MAF: variants seen among roughly 807,000 people sequenced by gnomAD.
MAF encodes transcription factor Maf.
In MAF, 10 loss-of-function variants were observed where a neutral mutation model predicts 22.0. That is an observed-to-expected ratio of 0.45 (90% confidence interval 0.28 to 0.77). The LOEUF (loss-of-function observed/expected upper bound fraction) is 0.77, where lower values mean the gene tolerates loss of function less well. MAF is among the 30% of genes least tolerant of loss of function. The pLI, the probability that MAF is intolerant of heterozygous loss-of-function variation, is 0.12. For missense variants in MAF, 544 were observed against 548.4 expected (o/e 0.99, Z 0.08); for synonymous variants, 337 against 255.8 (o/e 1.32, Z -3.03).
At chr16:79,538,453 T>C in the MAF span, among the ~76,000 whole-genome samples, 1 of 152,100 alleles carries the variant, frequency 6.6e-6, no homozygotes, top group Non-Finnish European at 1.5e-5. Flanking sequence ...ACCATAAAAA[T>C]GAAGAAAGTA....
chr16:79,515,814 C>T, the MAF span, among the ~76,000 whole-genome samples: 1 of 152,184 alleles, frequency 6.6e-6, no homozygotes, highest in African/African-American at 2.4e-5. Context: ...GATGGAATCA[C>T]TACATTCTAT....
chr16:79,351,719 C>A, the MAF span, among the ~76,000 whole-genome samples: 72 of 152,088 alleles, frequency 4.7e-4, no homozygotes, highest in African/African-American at 1.5e-3. Flanking sequence ...GCCCATTGCC[C>A]ACCCCACTGA....
chr16:79,242,366 C>CAAAAA, the MAF span, among the ~76,000 whole-genome samples: 336 of 97,074 alleles, frequency 3.5e-3, 4 homozygotes, highest in Admixed American at 0.027. Context: ...AAATGGGAAG[C>CAAAAA]AAAAAAAAAA....
At chr16:79,390,152 C>T in the MAF span, among the ~76,000 whole-genome samples, 2 of 151,776 alleles carry the variant, frequency 1.3e-5, no homozygotes, top group Middle Eastern at 3.2e-3. Flanking sequence ...GGGGTAACAT[C>T]GTGGGAGCTG....
the MAF span, among the ~76,000 whole-genome samples, chr16:79,387,567 C>T: frequency 6.6e-6 from 1 of 152,144 alleles, no homozygotes. Context: ...CAGTGCACTC[C>T]ACTCTGAGGC....
At chr16:79,532,717 T>C in the MAF span, among the ~76,000 whole-genome samples, 26 of 152,212 alleles carry the variant, frequency 1.7e-4, no homozygotes, top group African/African-American at 6.3e-4. Flanking sequence ...TGCGCGTGCA[T>C]GCGTGAGTGC....
At chr16:79,443,379 C>T in the MAF span, among the ~76,000 whole-genome samples, 6 of 152,168 alleles carry the variant, frequency 3.9e-5, no homozygotes, top group Admixed American at 2.0e-4. Context: ...CTCTCCATCA[C>T]CTCCAGGCCA....
At chr16:79,561,976 C>T in the MAF span, among the ~76,000 whole-genome samples, 7 of 152,140 alleles carry the variant, frequency 4.6e-5, no homozygotes, top group African/African-American at 1.7e-4. Context: ...TCAACATGAG[C>T]CGTTTGTCCC....
the MAF span, among the ~76,000 whole-genome samples, chr16:79,320,419 G>T: frequency 6.6e-6 from 1 of 152,168 alleles, no homozygotes; most frequent in Non-Finnish European, 1.5e-5. Flanking sequence ...GCTGCTTCAT[G>T]AGGCAGAGTG....
the MAF span, among the ~76,000 whole-genome samples, chr16:79,252,100 C>T: frequency 1.3e-5 from 2 of 152,338 alleles, no homozygotes; most frequent in East Asian, 3.9e-4. Context: ...AACATTTGGT[C>T]AATGTGATAA....
the MAF span, among the ~76,000 whole-genome samples, chr16:79,396,453 C>T: frequency 1.3e-5 from 2 of 152,218 alleles, no homozygotes; most frequent in African/African-American, 2.4e-5. Flanking sequence ...AATTTTTATA[C>T]ATCCCCAAGA....
the MAF span, among the ~76,000 whole-genome samples, chr16:79,545,199 G>C: frequency 1.8e-3 from 268 of 152,318 alleles, 1 homozygote; most frequent in Non-Finnish European, 3.0e-3. Context: ...AAGTGAGAAA[G>C]GGCAGAACAT....
the MAF span, among the ~76,000 whole-genome samples, chr16:79,514,830 A>G: frequency 6.6e-6 from 1 of 152,176 alleles, no homozygotes; most frequent in Non-Finnish European, 1.5e-5. Flanking sequence ...AGATAAAAGT[A>G]TGTTTGGTGT....
chr16:79,520,787 G>T, the MAF span, among the ~76,000 whole-genome samples: 1 of 152,080 alleles, frequency 6.6e-6, no homozygotes, highest in Admixed American at 6.5e-5. Context: ...GGACACCCAG[G>T]GCACCCAACT....
chr16:79,465,318 C>A, the MAF span, among the ~76,000 whole-genome samples: 52 of 152,238 alleles, frequency 3.4e-4, no homozygotes, highest in Admixed American at 1.0e-3. Context: ...AAGGGCAGGG[C>A]GTGGTGGCTT....
chr16:79,275,042 C>A, the MAF span, among the ~76,000 whole-genome samples: 2 of 152,140 alleles, frequency 1.3e-5, no homozygotes, highest in African/African-American at 4.8e-5. Flanking sequence ...AAAATAAAAG[C>A]CTTCCTCTCT....
At chr16:79,509,800 G>C in the MAF span, among the ~76,000 whole-genome samples, 2 of 152,158 alleles carry the variant, frequency 1.3e-5, no homozygotes, top group Non-Finnish European at 2.9e-5. Context: ...AACTTATTTT[G>C]TTTCTTAGGC....
chr16:79,397,268 A>G, the MAF span, among the ~76,000 whole-genome samples: 13 of 152,178 alleles, frequency 8.5e-5, no homozygotes, highest in African/African-American at 2.4e-4. Context: ...TTCTTGCCCA[A>G]GAGGGGGAAA....
At chr16:79,534,724 C>T in the MAF span, among the ~76,000 whole-genome samples, 32 of 152,024 alleles carry the variant, frequency 2.1e-4, no homozygotes, top group East Asian at 5.8e-3. Context: ...TACCCTAGAA[C>T]TTAAAGTATA....
Sources: allele counts gnomAD v4.1 joint callset (sites outside exome capture counted in the v4.1 genomes callset), GRCh38; gene constraint gnomAD v4.1.1; transcripts MANE v1.5; gene names NCBI Gene and HGNC (gene_info 2026-07-23, HGNC 2026-07-21).